Variants in SUMF1 observed in about 807,000 individuals in gnomAD.
The protein encoded by SUMF1 is formylglycine-generating enzyme.
In SUMF1, 48 loss-of-function variants were observed where a neutral mutation model predicts 47.6. The observed-to-expected ratio is 1.01, with a 90% CI of 0.80 to 1.28. The LOEUF (loss-of-function observed/expected upper bound fraction) is 1.28. SUMF1 is among the 50% of genes most tolerant of loss of function. The pLI is 0.00. For missense variants in SUMF1, 571 were observed against 485.4 expected, an observed-to-expected ratio of 1.18 and a Z score of -1.66; for synonymous variants, 230 against 192.1, an observed-to-expected ratio of 1.20 and a Z score of -1.63.
rs545194264 is a variant in SUMF1, at chr3:4,162,263, G to A, written c.1015-93518C>T. On this transcript the variant is annotated intron_variant and NMD_transcript_variant, in intron 8 of 12. Transcript: ENST00000448413. Reference sequence around the variant, plus strand: ...AGTTTCTTTTGGAGCAGCAAGCTGCGCTACCTGAGGTTGGGGGAGGAGTGG... The same window carrying A: ...AGTTTCTTTTGGAGCAGCAAGCTGCACTACCTGAGGTTGGGGGAGGAGTGG... 9.9e-5 allele frequency among the ~76,000 whole-genome samples: 15 copies of A among 152,262 alleles called. No individual in the cohort carries two copies. In the South Asian group the frequency reaches 1.2e-3, roughly 13 times the overall value.
At chr3:4,137,727 C>G (rs1693975650) in intron 8 of SUMF1, among the ~76,000 whole-genome samples, 1 of 152,076 alleles carries the variant, frequency 6.6e-6, no homozygotes, top group Admixed American at 6.5e-5. Context: ...AAGACTGAAG[C>G]TTTTCCTTTC....
At chr3:4,328,213 G>A (rs1232380581) in intron 8 of SUMF1, among the ~76,000 whole-genome samples, 1 of 151,844 alleles carries the variant, frequency 6.6e-6, no homozygotes, top group Non-Finnish European at 1.5e-5. Context: ...ACAAGACCCT[G>A]TCTCAAAATA....
chr3:4,337,706 A>G (rs1239665094), intron 8 of SUMF1, among the ~76,000 whole-genome samples: 1 of 152,212 alleles, frequency 6.6e-6, no homozygotes, highest in Non-Finnish European at 1.5e-5. Flanking sequence ...AAACAAATCT[A>G]AAACCCATTT....
intron 8 of SUMF1, among the ~76,000 whole-genome samples, chr3:4,268,429 A>T (rs1158522841): frequency 6.6e-6 from 1 of 152,180 alleles, no homozygotes; most frequent in Non-Finnish European, 1.5e-5. Context: ...AACTTAAAGT[A>T]TAATAAAAAA....
At chr3:4,456,856 A>ATATATGTGTGTGTATATC (rs1309174931) in intron 1 of SUMF1, among the ~76,000 whole-genome samples, 1 of 147,774 alleles carries the variant, frequency 6.8e-6, no homozygotes, top group African/African-American at 2.5e-5. Context: ...GTGTGTGTAT[A>ATATATGTGTGTGTATATC]TATATGTGTG....
intron 7 of SUMF1, among the ~76,000 whole-genome samples, chr3:4,399,288 T>G (rs1701134073): frequency 6.6e-6 from 1 of 152,124 alleles, no homozygotes; most frequent in Admixed American, 6.5e-5. Flanking sequence ...GAGGCATATA[T>G]CTTCTTTTAA....
At chr3:4,160,368 T>G (rs1215263875) in intron 8 of SUMF1, among the ~76,000 whole-genome samples, 1 of 152,074 alleles carries the variant, frequency 6.6e-6, no homozygotes, top group Non-Finnish European at 1.5e-5. Context: ...GCCTCCCAAG[T>G]AGCTGGGACT....
intron 8 of SUMF1, among the ~76,000 whole-genome samples, chr3:4,236,370 G>A (rs776726734): frequency 2.6e-5 from 4 of 151,864 alleles, no homozygotes; most frequent in South Asian, 4.1e-4. Context: ...ACTACCAAAG[G>A]AACTAAAAAG....
chr3:4,116,387 T>C (rs1693424979), intron 8 of SUMF1, among the ~76,000 whole-genome samples: 1 of 152,122 alleles, frequency 6.6e-6, no homozygotes, highest in Admixed American at 6.5e-5. Flanking sequence ...GCTACTAACA[T>C]ACATAGTTGC....
At chr3:4,410,120 C>A (rs561723732) in intron 7 of SUMF1, among the ~76,000 whole-genome samples, 2 of 152,292 alleles carry the variant, frequency 1.3e-5, no homozygotes, top group Admixed American at 6.5e-5. Flanking sequence ...ATTCTCCCCC[C>A]CAATCTGTTC....
chr3:4,349,335 T>G (rs1559236915), intron 8 of SUMF1, among the ~76,000 whole-genome samples: 1 of 152,096 alleles, frequency 6.6e-6, no homozygotes, highest in African/African-American at 2.4e-5. Context: ...CAAGAAACAA[T>G]AGAGGCTAGT....
intron 8 of SUMF1, among the ~76,000 whole-genome samples, chr3:4,251,760 G>C (rs1165675829): frequency 6.6e-6 from 1 of 152,156 alleles, no homozygotes; most frequent in African/African-American, 2.4e-5. Flanking sequence ...CTGTTGTTTA[G>C]TGTAACCACC....
chr3:4,159,293 T>G (rs1445412863), intron 8 of SUMF1, among the ~76,000 whole-genome samples: 2 of 150,434 alleles, frequency 1.3e-5, no homozygotes, highest in Non-Finnish European at 2.9e-5. Flanking sequence ...TTATTTTTTG[T>G]GCATCCATTG....
At chr3:4,163,511 C>T (rs1214191310) in intron 8 of SUMF1, among the ~76,000 whole-genome samples, 1 of 105,252 alleles carries the variant, frequency 9.5e-6, no homozygotes, top group African/African-American at 3.3e-5. Flanking sequence ...ATTACAGGAT[C>T]TTTCTTCTAT....
intron 6 of SUMF1, among the ~76,000 whole-genome samples, chr3:4,412,910 T>A (rs980429245): frequency 2.6e-5 from 4 of 151,890 alleles, no homozygotes; most frequent in Admixed American, 1.3e-4. Context: ...CAAAAACAGA[T>A]GAAACAAACA....
At chr3:4,264,697 C>G (rs1697153463) in intron 8 of SUMF1, among the ~76,000 whole-genome samples, 1 of 152,162 alleles carries the variant, frequency 6.6e-6, no homozygotes, top group African/African-American at 2.4e-5. Context: ...AGAAAGTGGA[C>G]TCATTGTAAA....
At chr3:4,135,907 C>T (rs1049995987) in intron 8 of SUMF1, among the ~76,000 whole-genome samples, 2 of 152,104 alleles carry the variant, frequency 1.3e-5, no homozygotes, top group Non-Finnish European at 2.9e-5. Context: ...ACACAGGAAT[C>T]CAACTTACAT....
chr3:4,299,413 TCCTGTGAACCCGAA>T (rs1277739247), intron 8 of SUMF1, among the ~76,000 whole-genome samples: 1 of 152,214 alleles, frequency 6.6e-6, no homozygotes, highest in African/African-American at 2.4e-5. Context: ...CCAGTGACAG[TCCTGTGAACCCGAA>T]TGTTTAGTTG....
rs184032363 is a variant in SUMF1, at chr3:4,174,643, C to T, written c.1015-105898G>A. ...CAACGCAGAAGACAGGTGATTTCTGCATTTCCACTGAGGTACCTGGTTCAT... is the reference window on the plus strand; with the variant it reads ...CAACGCAGAAGACAGGTGATTTCTGTATTTCCACTGAGGTACCTGGTTCAT... On this transcript the variant is annotated intron_variant and NMD_transcript_variant, in intron 8 of 12. Coordinates refer to the SUMF1 transcript ENST00000448413. Among the ~76,000 whole-genome samples the T allele has an allele frequency of 1.8e-3, 275 of 152,248 alleles. 3 individuals are homozygous for T. The highest frequency in any genetic ancestry group is 3.5e-3 in the East Asian group (18 of 5,162).
Sources: allele counts gnomAD v4.1 joint callset (sites outside exome capture counted in the v4.1 genomes callset), GRCh38; gene constraint gnomAD v4.1.1; transcripts MANE v1.5; gene names NCBI Gene and HGNC (gene_info 2026-07-23, HGNC 2026-07-21).